ZNF423: variants seen among roughly 807,000 people sequenced by gnomAD.
ZNF423 encodes Ebf-associated zinc finger protein.
In ZNF423, 12 loss-of-function variants were observed where a neutral mutation model predicts 95.8. That is an observed-to-expected ratio of 0.13 (90% CI 0.08 to 0.20). The LOEUF (loss-of-function observed/expected upper bound fraction) is 0.20. Among genes scored for constraint, ZNF423 ranks in the 10% least tolerant of loss-of-function variants. ZNF423 has a pLI of 1.00. For synonymous variants in ZNF423, 749 were observed against 711.9 expected (o/e 1.05, Z -0.83); for missense variants, 1,316 against 1,737.1 (o/e 0.76, Z 4.31).
At chr16:49,736,058 C>T (rs1192431844) in intron 2 of ZNF423, among the ~76,000 whole-genome samples, 2 of 152,102 alleles carry the variant, frequency 1.3e-5, no homozygotes, top group Non-Finnish European at 2.9e-5. Context: ...GTGCCACCTC[C>T]CCCAACCCTG....
rs752582625 is a variant in ZNF423, at chr16:49,637,930, C to A, written c.1246G>T (p.Val416Phe). The A allele has an allele frequency of 2.0e-5, 32 of 1,614,028 alleles. No homozygotes were observed. The highest frequency in any genetic ancestry group is 3.3e-4 in the Middle Eastern group (2 of 6,084). Residue 416 changes from valine (V) to phenylalanine (F), a missense_variant, in exon 4 of 8, where the codon GTC (valine) becomes TTC (phenylalanine). Physicochemically the swap from Val to Phe is conservative, Grantham distance 50. Transcript: ENST00000563137. This position sits in a 1 kb window ranked among gnomAD's most constrained non-coding sequence, Gnocchi z 5.6. The part of the protein sequence containing the change: ...RDDGQGWTKV[V>F]YSCPYCSKRD... ...TTGGAACAATAGGGGCAGCTATAGACCACCTTGGTCCAGCCCTGCCCGTCA... is the reference window on the plus strand; with the variant it reads ...TTGGAACAATAGGGGCAGCTATAGAACACCTTGGTCCAGCCCTGCCCGTCA...
intron 3 of ZNF423, among the ~76,000 whole-genome samples, chr16:49,641,289 G>T (rs1018961946): frequency 6.6e-6 from 1 of 152,208 alleles, no homozygotes; most frequent in Non-Finnish European, 1.5e-5. Flanking sequence ...GCTTCTGGGG[G>T]CCAAACAGTC....
chr16:49,747,606 T>TA (rs1172341558), intron 2 of ZNF423, among the ~76,000 whole-genome samples: 1 of 151,276 alleles, frequency 6.6e-6, no homozygotes, highest in East Asian at 1.9e-4. Context: ...AGCTGAAAGG[T>TA]ATATCCTGGA....
chr16:49,629,494 C>G (rs761598035), intron 4 of ZNF423, among the ~76,000 whole-genome samples: 47 of 152,188 alleles, frequency 3.1e-4, no homozygotes, highest in Non-Finnish European at 5.9e-4. Context: ...CTATGTGCAA[C>G]ACCCCCTCCA....
At chr16:49,528,587 A>T (rs995555219) in intron 5 of ZNF423, among the ~76,000 whole-genome samples, 1 of 152,104 alleles carries the variant, frequency 6.6e-6, no homozygotes, top group African/African-American at 2.4e-5. Context: ...AAGGGAGGGG[A>T]TGGAATAAAG....
chr16:49,806,180 A>G (rs1007317730), intron 1 of ZNF423, among the ~76,000 whole-genome samples: 12 of 152,250 alleles, frequency 7.9e-5, no homozygotes, highest in Admixed American at 3.9e-4. Flanking sequence ...CTCGCCCACC[A>G]GCTGGGAAAT....
intron 5 of ZNF423, among the ~76,000 whole-genome samples, chr16:49,615,823 C>T (rs183504622): frequency 5.3e-5 from 8 of 152,326 alleles, no homozygotes; most frequent in Admixed American, 2.6e-4. Context: ...AGGGAAAGGA[C>T]GTGCTGAGCA....
intron 1 of ZNF423, among the ~76,000 whole-genome samples, chr16:49,791,517 G>C (rs975546728): frequency 1.3e-5 from 2 of 152,116 alleles, no homozygotes; most frequent in African/African-American, 4.8e-5. Context: ...CTTCTATTAA[G>C]AGACTGCTGC....
intron 1 of ZNF423, among the ~76,000 whole-genome samples, chr16:49,829,669 T>C (rs976561632): frequency 1.3e-5 from 2 of 152,040 alleles, no homozygotes; most frequent in East Asian, 1.9e-4. Flanking sequence ...TACCTCCAGA[T>C]TGGATTTTTT....
At position 49,819,026 on chromosome 16, in the gene ZNF423, G is replaced by A. The variant is rs144561380; in HGVS notation, c.41-29480C>T. On this transcript the variant is annotated intron_variant, in intron 1 of 7. Transcript: ENST00000563137. Reference sequence around the variant, plus strand: ...CCCAGCTCTTTGGGAGGCTGAGGCCGGTGGATTACGAGGTCAAGAGATAGA... The same window carrying A: ...CCCAGCTCTTTGGGAGGCTGAGGCCAGTGGATTACGAGGTCAAGAGATAGA... Among the ~76,000 whole-genome samples the A allele has an allele frequency of 3.4e-4, 51 of 152,112 alleles. No homozygotes were observed. The East Asian group carries it at 9.1e-3, about 27-fold the overall frequency.
At chr16:49,567,179 C>G (rs1300146225) in intron 5 of ZNF423, among the ~76,000 whole-genome samples, 2 of 152,188 alleles carry the variant, frequency 1.3e-5, no homozygotes, top group Middle Eastern at 3.2e-3. Flanking sequence ...GCAAGCAGGG[C>G]TGAGGCTAGG....
At chr16:49,762,627 CTTACT>C (rs2033852977) in intron 2 of ZNF423, among the ~76,000 whole-genome samples, 2 of 152,212 alleles carry the variant, frequency 1.3e-5, no homozygotes, top group Non-Finnish European at 2.9e-5. Context: ...AGGCCCAAGA[CTTACT>C]TTACAAGTGC....
At chr16:49,572,280 A>C (rs1785463398) in intron 5 of ZNF423, among the ~76,000 whole-genome samples, 1 of 152,200 alleles carries the variant, frequency 6.6e-6, no homozygotes, top group African/African-American at 2.4e-5. Flanking sequence ...CCAGTGGGAC[A>C]CAAGGACAGA....
At chr16:49,529,859 C>T (rs1475535414) in intron 5 of ZNF423, among the ~76,000 whole-genome samples, 1 of 152,086 alleles carries the variant, frequency 6.6e-6, no homozygotes, top group African/African-American at 2.4e-5. Context: ...GTGACCTGCT[C>T]CAGCCACAAC....
chr16:49,844,574 G>A (rs749573199), intron 1 of ZNF423, among the ~76,000 whole-genome samples: 20 of 152,190 alleles, frequency 1.3e-4, no homozygotes, highest in Admixed American at 2.6e-4. Context: ...AAAGGCCTGT[G>A]CTCCCTCTCA....
chr16:49,706,812 CCAGA>C (rs1453422033), intron 3 of ZNF423, among the ~76,000 whole-genome samples: 1 of 152,182 alleles, frequency 6.6e-6, no homozygotes, highest in African/African-American at 2.4e-5. Flanking sequence ...AGTCCAGAAC[CCAGA>C]CAAAGTGAGG....
chr16:49,621,075 T>A (rs1249439116), intron 5 of ZNF423, among the ~76,000 whole-genome samples: 3 of 152,074 alleles, frequency 2.0e-5, no homozygotes, highest in Non-Finnish European at 4.4e-5. Flanking sequence ...GCAGAGCAAT[T>A]TCCTGGGGCG....
intron 3 of ZNF423, among the ~76,000 whole-genome samples, chr16:49,671,967 G>A (rs113900310): frequency 0.084 from 12,859 of 152,184 alleles, 691 homozygotes; most frequent in Middle Eastern, 0.17. Flanking sequence ...CTACAGGCGT[G>A]AGCCACCGCG....
chr16:49,579,400 G>A (rs1008854501), intron 5 of ZNF423, among the ~76,000 whole-genome samples: 46 of 152,058 alleles, frequency 3.0e-4, no homozygotes, highest in African/African-American at 9.7e-4. Flanking sequence ...CCTTCCCTCC[G>A]CTCCTTAGTC....
Sources: allele counts gnomAD v4.1 joint callset (sites outside exome capture counted in the v4.1 genomes callset), GRCh38; gene constraint gnomAD v4.1.1; non-coding constraint Gnocchi (gnomAD v3.1); transcripts MANE v1.5; gene names NCBI Gene and HGNC (gene_info 2026-07-23, HGNC 2026-07-21).